The following GLIS1 variants were observed in gnomAD, a reference collection of about 807,000 sequenced individuals.
GLIS1 encodes zinc finger protein GLIS1.
Under a neutral mutation model 63.8 loss-of-function variants are expected in GLIS1, and 24 were observed. The observed-to-expected ratio is 0.38, with a 90% CI of 0.27 to 0.53. GLIS1 has a LOEUF of 0.53. GLIS1 is among the 20% of genes least tolerant of loss of function. The pLI, the probability that GLIS1 is intolerant of heterozygous loss-of-function variation, is 0.85. For missense variants in GLIS1, 1,036 were observed against 1,074.1 expected, an observed-to-expected ratio of 0.96 and a Z score of 0.50; for synonymous variants, 450 against 482.5, an observed-to-expected ratio of 0.93 and a Z score of 0.88.
At chr1:53,612,943 C>T (rs763062850) in intron 2 of GLIS1, among the ~76,000 whole-genome samples, 88 of 151,898 alleles carry the variant, frequency 5.8e-4, no homozygotes, top group Non-Finnish European at 1.0e-3. Flanking sequence ...CTCAGCCTCC[C>T]GAGTAGCTGG....
rs1021174267 is a variant in GLIS1 at position 53,649,655 on chromosome 1, C to T, written c.260-49377G>A. Among the ~76,000 whole-genome samples, 20 of 152,096 alleles carry T rather than the reference C, an allele frequency of 1.3e-4. 1 individual carries two copies. Among genetic ancestry groups the T allele is most frequent in the Non-Finnish European group, 5.9e-5 (4 of 68,014 alleles). On this transcript the variant is annotated intron_variant, in intron 2 of 10. Coordinates refer to ENST00000628545, the MANE Select transcript of GLIS1 (RefSeq NM_001367484.1). ...GATATGTACCATAGATTGAGGTCTC[C>T]GGTTGTGGTTGTCATTTCAGACGGT... is the stretch of plus-strand genomic sequence containing the variant.
rs1557482718 is a variant in GLIS1, at chr1:53,615,735, TCATTTATTTATTTTA to T, written c.260-15472_260-15458del. 4.8e-3 allele frequency among the ~76,000 whole-genome samples: 697 copies of T among 144,128 alleles called. 29 individuals are homozygous for T. The highest frequency in any genetic ancestry group is 0.042 in the Admixed American group (615 of 14,714). The allele number at this position is 144,128 out of a possible 152,430, so 94.6% of individuals were successfully genotyped here. On this transcript the variant is annotated intron_variant, in intron 2 of 10. Coordinates refer to ENST00000628545, the MANE Select transcript of GLIS1 (RefSeq NM_001367484.1). ...ATATGATTTTATTTATTTATTTTAT[TCATTTATTTATTTTA>T]TTTTTATTTTTTTTGGAGACAGAGT... is the stretch of plus-strand genomic sequence containing the variant.
chr1:53,542,521 G>T (rs770084154), intron 4 of GLIS1, among the ~76,000 whole-genome samples: 1 of 152,362 alleles, frequency 6.6e-6, no homozygotes, highest in Non-Finnish European at 1.5e-5. Flanking sequence ...AGTGTGGGGC[G>T]GGTGGGGAGA....
intron 2 of GLIS1, among the ~76,000 whole-genome samples, chr1:53,660,013 A>G (rs1646009063): frequency 6.6e-6 from 1 of 152,142 alleles, no homozygotes; most frequent in Non-Finnish European, 1.5e-5. Context: ...CCTTTGCTTC[A>G]TCTAAAGTGA....
At chr1:53,665,116 C>T (rs754044145) in intron 2 of GLIS1, among the ~76,000 whole-genome samples, 1 of 152,112 alleles carries the variant, frequency 6.6e-6, no homozygotes, top group Non-Finnish European at 1.5e-5. Context: ...GGCAGCACTG[C>T]CATAATCCAA....
At chr1:53,709,463 G>A (rs1018808987) in intron 2 of GLIS1, among the ~76,000 whole-genome samples, 2 of 146,210 alleles carry the variant, frequency 1.4e-5, no homozygotes, top group African/African-American at 5.0e-5. Flanking sequence ...GTGTGAAGGT[G>A]AATGGGTTGA....
chr1:53,666,057 C>T (rs1646087993), intron 2 of GLIS1, among the ~76,000 whole-genome samples: 1 of 152,156 alleles, frequency 6.6e-6, no homozygotes, highest in South Asian at 2.1e-4. Context: ...AGGTAGGAAG[C>T]ATCAAGGGCT....
intron 4 of GLIS1, among the ~76,000 whole-genome samples, chr1:53,553,856 C>T (rs372149266): frequency 2.6e-5 from 4 of 152,250 alleles, no homozygotes; most frequent in African/African-American, 9.6e-5. Context: ...TGGAGCAGAA[C>T]GGGCAGGTGG....
chr1:53,577,518 GGAAGT>G (rs1165162120), intron 4 of GLIS1, among the ~76,000 whole-genome samples: 1 of 152,190 alleles, frequency 6.6e-6, no homozygotes, highest in Non-Finnish European at 1.5e-5. Flanking sequence ...CTTGAGTGCG[GGAAGT>G]GAAGTTGTAA....
At chr1:53,542,521 G>A (rs770084154) in intron 4 of GLIS1, among the ~76,000 whole-genome samples, 12 of 152,244 alleles carry the variant, frequency 7.9e-5, no homozygotes, top group Non-Finnish European at 1.6e-4. Context: ...AGTGTGGGGC[G>A]GGTGGGGAGA....
At chr1:53,540,952 G>A (rs1557440112) in intron 4 of GLIS1, among the ~76,000 whole-genome samples, 1 of 152,236 alleles carries the variant, frequency 6.6e-6, no homozygotes, top group Non-Finnish European at 1.5e-5. Flanking sequence ...ACCTGCCAGT[G>A]TGCACCTGAG....
At position 53,539,555 on chromosome 1, in the gene GLIS1, C is replaced by T. The variant is rs1275791531; in HGVS notation, c.1321-9603G>A. Among the ~76,000 whole-genome samples, 1 of 139,656 alleles carries T rather than the reference C, an allele frequency of 7.2e-6. No individual in the cohort carries two copies. Among genetic ancestry groups the T allele is most frequent in the African/African-American group, 2.7e-5 (1 of 37,150 alleles). The allele number at this position is 139,656 out of a possible 152,430, so 91.6% of individuals were successfully genotyped here. ...ATACCACACGGTATACACCCCCCCA[C>T]ACACACTACACATCATACACATAAA... On this transcript the variant is annotated intron_variant, in intron 4 of 10. Transcript: ENST00000628545. The surrounding 1 kb of genome is among the most constrained non-coding windows in gnomAD (Gnocchi z 5.0).
chr1:53,685,401 G>A (rs1383285771), intron 2 of GLIS1, among the ~76,000 whole-genome samples: 5 of 152,234 alleles, frequency 3.3e-5, no homozygotes, highest in African/African-American at 4.8e-5. Context: ...ATTATCCCCC[G>A]TCAGCGCTGC....
At chr1:53,529,977 A>G in intron 4 of GLIS1, 25 bp from the exon 5 acceptor site, 1 of 1,605,144 alleles carries the variant, frequency 6.2e-7, no homozygotes, top group Non-Finnish European at 8.5e-7. Flanking sequence ...GGTGAGGGGA[A>G]CTCCCAGCCC....
rs374903781 is a variant in GLIS1, at chr1:53,594,502, A to G, written c.926T>C (p.Leu309Ser). 1.8e-4 allele frequency: 294 copies of G among 1,612,868 alleles called. No homozygotes were observed. The highest frequency in any genetic ancestry group is 2.4e-4 in the Non-Finnish European group (281 of 1,179,980). ...PASTDSHEGS[L>S]QLEACRKASF... is the part of the protein sequence containing the mutation. Reference sequence around the variant, plus strand: ...CGCCTTCCGGCAGGCTTCAAGTTGCAAGCTGCCCTCATGGCTGTCCGTCGA... The same window carrying G: ...CGCCTTCCGGCAGGCTTCAAGTTGCGAGCTGCCCTCATGGCTGTCCGTCGA... Residue 309 changes from leucine (L) to serine (S), a missense_variant, in exon 4 of 11, where the codon TTG becomes TCG. Around this residue, in one of 3 missense-constraint regions of GLIS1, gnomAD observed 592 missense variants for 593.9 expected, o/e 1.00. Coordinates refer to ENST00000628545, the MANE Select transcript of GLIS1 (RefSeq NM_001367484.1).
chr1:53,656,212 G>A (rs555379170), intron 2 of GLIS1, among the ~76,000 whole-genome samples: 1 of 152,304 alleles, frequency 6.6e-6, no homozygotes, highest in Non-Finnish European at 1.5e-5. Flanking sequence ...CAAACAGGGA[G>A]GGAGGCAGAA....
chr1:53,628,912 C>G (rs1645623839), intron 2 of GLIS1, among the ~76,000 whole-genome samples: 1 of 152,176 alleles, frequency 6.6e-6, no homozygotes, highest in South Asian at 2.1e-4. Context: ...TTCTCCAAGA[C>G]TTCCATCCAC....
At chr1:53,553,744 GC>G (rs200356406) in intron 4 of GLIS1, among the ~76,000 whole-genome samples, 23,844 of 152,184 alleles carry the variant, frequency 0.16, 2,054 homozygotes, top group South Asian at 0.22. Flanking sequence ...CTTCTCAGGA[GC>G]TACCCCTAAG....
rs919008620 is a variant in GLIS1, at chr1:53,701,998, G to GAAA, written c.259+35805_259+35807dup. On this transcript the variant is annotated intron_variant, in intron 2 of 10. Transcript: ENST00000628545. ...ACAGAGCAAGGCTCTACCTAAAAAA[G>GAAA]AAAAAAAAAAAAAAAAAAAAAAAAG... Among the ~76,000 whole-genome samples, 168 of 56,284 alleles carry GAAA rather than the reference G, an allele frequency of 3.0e-3. 1 individual carries two copies. The highest frequency in any genetic ancestry group is 9.1e-3 in the South Asian group (12 of 1,312). 36.9% of individuals were successfully genotyped at this position (56,284 alleles called of 152,430 possible).
Sources: gnomAD v4.1 joint callset for allele counts (sites outside exome capture counted in the v4.1 genomes callset) on GRCh38, gnomAD v4.1.1 for gene constraint, gnomAD v4.1.1 regional missense constraint, Gnocchi (gnomAD v3.1) non-coding constraint, MANE v1.5 for transcripts, NCBI Gene and HGNC (gene_info 2026-07-23, HGNC 2026-07-21) for gene names.